CREBRF: variants seen among roughly 807,000 people sequenced by gnomAD.
CREBRF encodes the protein CREB3 regulatory factor.
In CREBRF, 5 loss-of-function variants were observed where a neutral mutation model predicts 66.1. The observed-to-expected ratio is 0.08, with a 90% CI of 0.04 to 0.16. The LOEUF (loss-of-function observed/expected upper bound fraction) is 0.16. CREBRF is among the 10% of genes least tolerant of loss of function. CREBRF has a pLI of 1.00. For synonymous variants in CREBRF, 229 were observed against 264.4 expected, an observed-to-expected ratio of 0.87 and a Z score of 1.30; for missense variants, 531 against 744.9, an observed-to-expected ratio of 0.71 and a Z score of 3.34.
chr5:173,059,350 C>T (rs772850626), intron 1 of CREBRF, among the ~76,000 whole-genome samples: 10 of 145,164 alleles, frequency 6.9e-5, no homozygotes, highest in Non-Finnish European at 1.2e-4. Flanking sequence ...CTGCAATCTC[C>T]GCCTCCCGGG....
chr5:173,085,194 T>G, intron 2 of CREBRF: 1 of 367,324 alleles, frequency 2.7e-6, no homozygotes, highest in Non-Finnish European at 4.9e-6. Context: ...CCGCCTGCCT[T>G]GGCTTCCCAA....
intron 1 of CREBRF, among the ~76,000 whole-genome samples, chr5:173,058,866 G>C (rs1454416845): frequency 1.5e-5 from 2 of 135,104 alleles, no homozygotes; most frequent in Non-Finnish European, 3.1e-5. Context: ...CACGATCTCG[G>C]CTCACTGCAA....
chr5:173,103,376 A>G (rs574935716), intron 4 of CREBRF, among the ~76,000 whole-genome samples: 1 of 152,362 alleles, frequency 6.6e-6, no homozygotes, highest in Admixed American at 6.5e-5. Flanking sequence ...CACATTTGCT[A>G]GTAAAATTTT....
intron 4 of CREBRF, among the ~76,000 whole-genome samples, chr5:173,108,173 T>TA (rs926573219): frequency 6.6e-4 from 99 of 151,090 alleles, no homozygotes; most frequent in African/African-American, 2.1e-3. Flanking sequence ...GAAAAATATT[T>TA]AAAAAAAAAG....
chr5:173,103,658 TA>T (rs1195585494), intron 4 of CREBRF, among the ~76,000 whole-genome samples: 3 of 152,230 alleles, frequency 2.0e-5, no homozygotes, highest in Non-Finnish European at 4.4e-5. Flanking sequence ...AATGGAGTTT[TA>T]GTCTCTTTTC....
At position 173,091,042 on chromosome 5, in the gene CREBRF, C is replaced by G. The variant is rs377704160; in HGVS notation, c.863C>G (p.Pro288Arg). The G allele has an allele frequency of 6.2e-7, 1 of 1,614,048 alleles. No homozygotes were observed. Among genetic ancestry groups the G allele is most frequent in the Non-Finnish European group, 8.5e-7 (1 of 1,180,044 alleles). The change falls in exon 4 of 9, where the codon CCC becomes CGC. Residue 288 changes from proline to arginine, a missense_variant. By Grantham distance (103) the Pro-to-Arg change is moderately radical. This residue lies in a region of CREBRF where 309 missense variants were observed against 341.4 expected (regional missense o/e 0.90). Transcript: ENST00000296953. Reference protein sequence around the residue: ...GMEPLQGHATPALPFKETQEL... With the variant: ...GMEPLQGHATRALPFKETQEL... ...GAGCCTCTTCAAGGTCATGCCACTC[C>G]CGCTTTGCCTTTTAAAGAAACCCAG...
Position 173,091,334 on chromosome 5 carries a change from GGAA to G in CREBRF, c.1161_1163del (p.Glu390del), listed in dbSNP as rs774005270. On this transcript the variant is annotated inframe_deletion, in exon 4 of 9. Transcript: ENST00000296953. ...ATGAACTGTCTGAAAATGAGGAGGAGGAAGAAGAGGAAGAGGATTATGAAGATG... is the reference window on the plus strand; with the variant it reads ...ATGAACTGTCTGAAAATGAGGAGGAGGAAGAGGAAGAGGATTATGAAGATG... 1.2e-5 allele frequency: 20 copies of G among 1,612,988 alleles called. No individual in the cohort carries two copies. The highest frequency in any genetic ancestry group is 1.5e-5 in the Non-Finnish European group (18 of 1,179,366).
chr5:173,111,129 C>T lies in CREBRF; in HGVS notation c.1607+418C>T, dbSNP rs139266635. 3.3e-3 allele frequency among the ~76,000 whole-genome samples: 506 copies of T among 152,250 alleles called. 1 individual carries two copies. Among genetic ancestry groups the T allele is most frequent in the African/African-American group, 0.011 (468 of 41,546 alleles). On this transcript the variant is annotated intron_variant, in intron 6 of 8. Coordinates refer to ENST00000296953, the MANE Select transcript of CREBRF (RefSeq NM_153607.3). ...CATTTTCATCATCTTAAAAAGTTTC[C>T]TTATGTCTCTTTGTAAAAGCAAACC...
chr5:173,106,994 C>T (rs1758765932), intron 4 of CREBRF, among the ~76,000 whole-genome samples: 1 of 152,194 alleles, frequency 6.6e-6, no homozygotes, highest in Non-Finnish European at 1.5e-5. Context: ...AGGTGATCCG[C>T]CCACCTTGGC....
intron 7 of CREBRF, among the ~76,000 whole-genome samples, chr5:173,121,328 C>CT (rs527876904): frequency 0.17 from 24,684 of 143,510 alleles, 2,971 homozygotes; most frequent in African/African-American, 0.34. Context: ...AGTTAACTTG[C>CT]TTTTTTTTTT....
Position 173,069,789 on chromosome 5 carries a change from T to C in CREBRF, c.-191-10796T>C, listed in dbSNP as rs1273306865. 5.9e-5 allele frequency among the ~76,000 whole-genome samples: 9 copies of C among 152,130 alleles called. No individual in the cohort carries two copies. In the South Asian group the frequency reaches 8.4e-4, roughly 14 times the overall value. ...CAAATAACCTCTGTACTGGCTATTATGTAGTTTATGCTGGTGGTATAGCCT... is the reference window on the plus strand; with the variant it reads ...CAAATAACCTCTGTACTGGCTATTACGTAGTTTATGCTGGTGGTATAGCCT... On this transcript the variant is annotated intron_variant, in intron 1 of 8. Transcript: ENST00000296953.
rs978535447 is a variant in CREBRF at position 173,068,427 on chromosome 5, T to C, written c.-192+11948T>C. 3.3e-5 allele frequency among the ~76,000 whole-genome samples: 5 copies of C among 152,316 alleles called. No individual in the cohort carries two copies. The South Asian group carries it at 8.3e-4, about 25-fold the overall frequency. On this transcript the variant is annotated intron_variant, in intron 1 of 8. Coordinates refer to ENST00000296953, the MANE Select transcript of CREBRF (RefSeq NM_153607.3). ...GATATACATACAAATTTTATATGAC[T>C]CTGTTTCATATGGCTCAGATTGTCC...
intron 4 of CREBRF, among the ~76,000 whole-genome samples, chr5:173,107,818 T>A (rs1191208698): frequency 0.012 from 1,061 of 85,994 alleles, 3 homozygotes; most frequent in South Asian, 0.041. Context: ...CTCTACAAAA[T>A]TTTTTTTTTT....
intron 2 of CREBRF, among the ~76,000 whole-genome samples, chr5:173,084,867 G>A (rs1157862916): frequency 6.6e-6 from 1 of 152,096 alleles, no homozygotes; most frequent in African/African-American, 2.4e-5. Flanking sequence ...GGATGGTCTC[G>A]ATCTCCTGAC....
intron 4 of CREBRF, among the ~76,000 whole-genome samples, chr5:173,097,496 C>T (rs1230651674): frequency 5.3e-5 from 8 of 152,124 alleles, no homozygotes; most frequent in African/African-American, 9.7e-5. Context: ...CTGCCCGCCT[C>T]GGCCTCCCAA....
chr5:173,086,663 T>C, intron 3 of CREBRF, 37 bp downstream of exon 3: 1 of 1,571,056 alleles, frequency 6.4e-7, no homozygotes, highest in Non-Finnish European at 8.6e-7. Flanking sequence ...CTTGATTGAT[T>C]TGGGGTAAAA....
chr5:173,080,908 A>G, intron 2 of CREBRF, 124 bp downstream of exon 2: 1 of 901,798 alleles, frequency 1.1e-6, no homozygotes. Context: ...CTCATTTCTG[A>G]TCTCAGCTAG....
chr5:173,083,291 G>A (rs1248554688), intron 2 of CREBRF, among the ~76,000 whole-genome samples: 1 of 152,064 alleles, frequency 6.6e-6, no homozygotes, highest in African/African-American at 2.4e-5. Flanking sequence ...TCAAATTGAG[G>A]CCTTTCTATT....
chr5:173,076,947 C>CT (rs779671869), intron 1 of CREBRF, among the ~76,000 whole-genome samples: 492 of 140,928 alleles, frequency 3.5e-3, no homozygotes, highest in African/African-American at 6.8e-3. Flanking sequence ...AATTTATTGG[C>CT]TTTTTTTTTT....
Sources: allele counts gnomAD v4.1 joint callset (sites outside exome capture counted in the v4.1 genomes callset), GRCh38; gene constraint gnomAD v4.1.1; regional missense constraint gnomAD v4.1.1; transcripts MANE v1.5; gene names NCBI Gene and HGNC (gene_info 2026-07-23, HGNC 2026-07-21).